Variants in CDK15 observed in about 807,000 individuals in gnomAD.
The protein encoded by CDK15 is cyclin-dependent kinase 15.
In CDK15, 62 loss-of-function variants were observed where a neutral mutation model predicts 60.3. The ratio of observed to expected loss-of-function variants is 1.03; its 90% CI spans 0.84 to 1.27. The LOEUF (loss-of-function observed/expected upper bound fraction) is 1.27. Among genes scored for constraint, CDK15 ranks in the 50% most tolerant of loss-of-function variants. The pLI is 0.00. For synonymous variants in CDK15, 194 were observed against 195.7 expected (o/e 0.99, Z 0.07); for missense variants, 541 against 527.8 (o/e 1.03, Z -0.25).
At chr2:201,875,378 C>T (rs1349906215) in intron 11 of CDK15, among the ~76,000 whole-genome samples, 2 of 149,852 alleles carry the variant, frequency 1.3e-5, no homozygotes, top group African/African-American at 5.1e-5. Context: ...TATGAATCTA[C>T]AGCTCTTCTA....
In CDK15 at chr2:201,847,473, A is replaced by G; in HGVS notation, c.944A>G (p.Glu315Gly). ...CTTGAACAGCTGGAGAAAATCTGGG[A>G]GGTAGGAGAATAATTCTTCTAAAGA... is the stretch of plus-strand genomic sequence containing the variant. ...NILEQLEKIW[E>G]VLGVPTEDTW... Residue 315 changes from glutamate (E) to glycine (G), a missense_variant and splice_region_variant, in exon 9 of 14, where the codon GAG becomes GGG. Transcript: ENST00000652192. 6.2e-7 allele frequency: 1 copy of G among 1,612,570 alleles called. No homozygotes were observed. Among genetic ancestry groups the G allele is most frequent in the East Asian group, 2.2e-5 (1 of 44,876 alleles).
At chr2:201,874,920 A>G (rs1699016527) in intron 11 of CDK15, among the ~76,000 whole-genome samples, 1 of 151,886 alleles carries the variant, frequency 6.6e-6, no homozygotes, top group Non-Finnish European at 1.5e-5. Flanking sequence ...AAAACCAAAG[A>G]ACCCAGTTGA....
Position 201,823,129 on chromosome 2 carries a change from T to C in CDK15, c.543+226T>C, listed in dbSNP as rs534594800. On this transcript the variant is annotated intron_variant, in intron 5 of 13. Coordinates refer to ENST00000652192, the MANE Select transcript of CDK15 (RefSeq NM_001366386.2). Reference sequence around the variant, plus strand: ...TCCCTTTTCCCCTCATCAGCAATAATAAATGAGGATCTTGAGTTTACCTTC... The same window carrying C: ...TCCCTTTTCCCCTCATCAGCAATAACAAATGAGGATCTTGAGTTTACCTTC... 2.6e-5 allele frequency among the ~76,000 whole-genome samples: 4 copies of C among 152,348 alleles called. No individual in the cohort carries two copies. In the South Asian group the frequency reaches 6.2e-4, roughly 24 times the overall value.
At chr2:201,823,751 C>T (rs1346267464) in intron 6 of CDK15, 24 bp downstream of exon 6, 1 of 1,605,128 alleles carries the variant, frequency 6.2e-7, no homozygotes, top group Non-Finnish European at 8.5e-7. Context: ...GGGTCAGGAC[C>T]CTCTCCTGGC....
At chr2:201,810,119 A>G (rs1481049002) in intron 3 of CDK15, among the ~76,000 whole-genome samples, 1 of 152,006 alleles carries the variant, frequency 6.6e-6, no homozygotes, top group Non-Finnish European at 1.5e-5. Flanking sequence ...GGTTTGGGGG[A>G]GAATTTCACA....
intron 8 of CDK15, among the ~76,000 whole-genome samples, chr2:201,846,458 A>C (rs1574895066): frequency 6.7e-6 from 1 of 150,094 alleles, no homozygotes; most frequent in African/African-American, 2.5e-5. Context: ...GCACCACTGC[A>C]CTCCAGCCTG....
intron 8 of CDK15, among the ~76,000 whole-genome samples, chr2:201,845,015 G>A (rs909556170): frequency 1.3e-5 from 2 of 152,098 alleles, no homozygotes; most frequent in Non-Finnish European, 2.9e-5. Context: ...CAGGCATGCT[G>A]GTGCATGCCT....
intron 13 of CDK15, among the ~76,000 whole-genome samples, chr2:201,891,714 A>G (rs1699644562): frequency 6.6e-6 from 1 of 152,150 alleles, no homozygotes; most frequent in South Asian, 2.1e-4. Context: ...ATGTCTCAAG[A>G]GCACTTCCCA....
chr2:201,849,397 C>T (rs557841424), intron 9 of CDK15, among the ~76,000 whole-genome samples: 5 of 152,162 alleles, frequency 3.3e-5, no homozygotes, highest in Non-Finnish European at 7.3e-5. Context: ...AGAGGAAGCA[C>T]AATTGCAGTT....
chr2:201,894,970 T>C lies in CDK15; in HGVS notation c.*1703T>C, dbSNP rs1699737166. Reference sequence around the variant, plus strand: ...GCTATGACTTAGTGGAAATTGGCACTTTTAAGTACAATATGAATTAATAGT... The same window carrying C: ...GCTATGACTTAGTGGAAATTGGCACCTTTAAGTACAATATGAATTAATAGT... On this transcript the variant is annotated 3_prime_UTR_variant, in exon 14 of 14. Coordinates refer to ENST00000652192, the MANE Select transcript of CDK15 (RefSeq NM_001366386.2). 6.6e-6 allele frequency: 1 copy of C among 152,238 alleles called. No individual in the cohort carries two copies. The highest frequency in any genetic ancestry group is 2.4e-5 in the African/African-American group (1 of 41,464). The allele number at this position is 152,238 out of a possible 1,614,324, so 9.4% of individuals were successfully genotyped here.
chr2:201,813,169 T>C (rs779810010), intron 4 of CDK15, among the ~76,000 whole-genome samples: 1 of 152,214 alleles, frequency 6.6e-6, no homozygotes, highest in Non-Finnish European at 1.5e-5. Context: ...ACCTATTTCA[T>C]GGAGTTGTTA....
rs1456990665 is a variant in CDK15 at position 201,893,780 on chromosome 2, C to T, written c.*513C>T. ...TAGAAAAAGATGGTTTCTTGGATAA[C>T]ATTGTTAACAAAAGGACTTCCTGAG... On this transcript the variant is annotated 3_prime_UTR_variant, in exon 14 of 14. Coordinates refer to ENST00000652192, the MANE Select transcript of CDK15 (RefSeq NM_001366386.2). The T allele has an allele frequency of 6.6e-6, 1 of 152,132 alleles. No individual in the cohort carries two copies. Among genetic ancestry groups the T allele is most frequent in the East Asian group, 1.9e-4 (1 of 5,190 alleles). 9.4% of individuals were successfully genotyped at this position (152,132 alleles called of 1,614,324 possible).
intron 13 of CDK15, among the ~76,000 whole-genome samples, chr2:201,892,627 G>A (rs922164517): frequency 6.6e-6 from 1 of 152,194 alleles, no homozygotes; most frequent in African/African-American, 2.4e-5. Context: ...GCCTTGGTAC[G>A]AATGTAAGGA....
intron 4 of CDK15, among the ~76,000 whole-genome samples, chr2:201,816,468 T>G (rs917490607): frequency 6.7e-6 from 1 of 148,424 alleles, no homozygotes; most frequent in African/African-American, 2.5e-5. Flanking sequence ...TTTTTTTTTT[T>G]TTTTTTTTTT....
intron 6 of CDK15, among the ~76,000 whole-genome samples, chr2:201,826,332 C>T (rs1221712369): frequency 2.0e-5 from 3 of 151,894 alleles, no homozygotes; most frequent in African/African-American, 7.3e-5. Flanking sequence ...TGGTGGCGGG[C>T]GCCTGTAGTC....
chr2:201,836,191 T>TTATATATTTATATATTATATATATTTTTA (rs1697077306), intron 8 of CDK15, among the ~76,000 whole-genome samples: 3 of 106,966 alleles, frequency 2.8e-5, no homozygotes, highest in African/African-American at 1.1e-4. Flanking sequence ...ATATATTTTT[T>TTATATATTTATATATTATATATATTTTTA]TATATATATA....
In CDK15 at chr2:201,807,915, G is replaced by T. The variant is rs772172729; in HGVS notation, c.331G>T (p.Glu111Ter). The change falls in exon 3 of 14, where the codon GAA (glutamate) becomes TAA (stop). Residue 111 changes from glutamate to a stop codon, truncating the protein, a stop_gained. Coordinates refer to ENST00000652192, the MANE Select transcript of CDK15 (RefSeq NM_001366386.2). LOFTEE classifies it high-confidence loss of function. The stretch of plus-strand genomic sequence containing the variant: ...TTACTTGAACTTGGAGAAGCTGGGT[G>T]AAGGCTCTTATGCGACAGTTTACAA... Reference protein sequence around the residue: ...SSYLNLEKLGEGSYATVYKGI... With the variant: ...SSYLNLEKLG 3 of 1,614,170 alleles carry T rather than the reference G, an allele frequency of 1.9e-6. No homozygotes were observed. In the East Asian group the frequency reaches 6.7e-5, roughly 36 times the overall value.
intron 8 of CDK15, among the ~76,000 whole-genome samples, chr2:201,836,006 ATTTT>A (rs1244949595): frequency 1.2e-5 from 1 of 84,202 alleles, no homozygotes; most frequent in East Asian, 4.0e-4. Flanking sequence ...ATATATTTAT[ATTTT>A]TATATTTTTA....
rs1697319985 is a variant in CDK15, at chr2:201,840,271, G to A, written c.851+4508G>A. ...ATTACAGGCATGAGCCACCGCGCCT[G>A]GCCAAGTACCCATTTTTACATATGT... On this transcript the variant is annotated intron_variant, in intron 8 of 13. Transcript: ENST00000652192. Among the ~76,000 whole-genome samples, 4 of 152,236 alleles carry A rather than the reference G, an allele frequency of 2.6e-5. No individual in the cohort carries two copies. In the South Asian group the frequency reaches 8.3e-4, roughly 32 times the overall value.
Sources: allele counts gnomAD v4.1 joint callset (sites outside exome capture counted in the v4.1 genomes callset), GRCh38; gene constraint gnomAD v4.1.1; transcripts MANE v1.5; gene names NCBI Gene and HGNC (gene_info 2026-07-23, HGNC 2026-07-21).